The following CCDC60 variants were observed in gnomAD, a reference collection of about 807,000 sequenced individuals.
CCDC60 encodes the protein coiled-coil domain-containing protein 60.
CCDC60 carries 54 observed loss-of-function variants against 63.5 expected under a neutral mutation model. The ratio of observed to expected loss-of-function variants is 0.85; its 90% confidence interval spans 0.68 to 1.07. The LOEUF (loss-of-function observed/expected upper bound fraction) is 1.07. CCDC60 is among the 50% of genes least tolerant of loss of function. CCDC60 has a pLI of 0.00. For synonymous variants in CCDC60, 206 were observed against 238.8 expected (o/e 0.86, Z 1.27); for missense variants, 651 against 684.3 (o/e 0.95, Z 0.54).
chr12:119,361,125 GGAAAGA>G (rs1446954442), intron 1 of CCDC60, among the ~76,000 whole-genome samples: 1 of 149,170 alleles, frequency 6.7e-6, no homozygotes, highest in African/African-American at 2.5e-5. Context: ...GGGAGACCGT[GGAAAGA>G]GAGGGAGAGG....
chr12:119,505,059 T>C lies in CCDC60; in HGVS notation c.649-10T>C. 6.3e-7 allele frequency: 1 copy of C among 1,577,240 alleles called. No homozygotes were observed. Among genetic ancestry groups the C allele is most frequent in the Non-Finnish European group, 8.6e-7 (1 of 1,156,220 alleles). On this transcript the variant is annotated splice_polypyrimidine_tract_variant and intron_variant, in intron 6 of 13. Coordinates refer to ENST00000327554, the MANE Select transcript of CCDC60 (RefSeq NM_178499.5). ...CTTCCTGAAACCTCTCTTTCTTCTC[T>C]TTCCTTTAGACCAAGAAATTCAAAA...
intron 1 of CCDC60, among the ~76,000 whole-genome samples, chr12:119,344,855 T>TCACACACACACACACACACACA (rs1199779284): frequency 1.7e-5 from 2 of 114,798 alleles, no homozygotes; most frequent in Non-Finnish European, 1.7e-5. Context: ...TCTCTCTCTC[T>TCACACACACACACACACACACA]CACACACACA....
chr12:119,407,343 C>CA (rs869181216), intron 1 of CCDC60, among the ~76,000 whole-genome samples: 183 of 148,708 alleles, frequency 1.2e-3, no homozygotes, highest in African/African-American at 3.9e-3. Context: ...CTCACCTCTA[C>CA]AAAAAAAAAG....
intron 1 of CCDC60, among the ~76,000 whole-genome samples, chr12:119,351,744 A>G (rs1955658655): frequency 1.3e-5 from 2 of 152,226 alleles, no homozygotes; most frequent in African/African-American, 4.8e-5. Context: ...ATCTGAGACC[A>G]CCTCAGCCTG....
intron 1 of CCDC60, among the ~76,000 whole-genome samples, chr12:119,405,141 C>G (rs967762373): frequency 2.0e-5 from 3 of 152,200 alleles, no homozygotes; most frequent in African/African-American, 7.2e-5. Context: ...GCAGCCTTCT[C>G]CTGTCTCCGT....
At chr12:119,516,523 G>A (rs955898624) in intron 7 of CCDC60, 100 bp from the exon 8 acceptor site, 9 of 730,276 alleles carry the variant, frequency 1.2e-5, no homozygotes, top group South Asian at 1.2e-4. Context: ...CAACCCTCAG[G>A]AGCAGAGGTG....
intron 2 of CCDC60, among the ~76,000 whole-genome samples, chr12:119,465,185 C>T (rs765213432): frequency 2.5e-4 from 38 of 151,868 alleles, no homozygotes; most frequent in South Asian, 2.1e-3. Context: ...TGGTGGCGGG[C>T]GCCTGTAGTC....
intron 3 of CCDC60, among the ~76,000 whole-genome samples, chr12:119,478,160 A>G (rs1293995064): frequency 6.6e-6 from 1 of 152,040 alleles, no homozygotes; most frequent in African/African-American, 2.4e-5. Flanking sequence ...CTTAAAATAC[A>G]AAAAAGTAGC....
chr12:119,527,629 A>AGC, intron 11 of CCDC60, among the ~76,000 whole-genome samples: 1 of 132,336 alleles, frequency 7.6e-6, no homozygotes, highest in Non-Finnish European at 1.6e-5. Context: ...GTTGAGCTTT[A>AGC]TCTCAGAGAC....
intron 1 of CCDC60, among the ~76,000 whole-genome samples, chr12:119,371,222 A>T (rs1010261761): frequency 3.9e-5 from 6 of 152,106 alleles, no homozygotes; most frequent in African/African-American, 1.4e-4. Context: ...AGATCATGAC[A>T]TTGTGTCTCC....
chr12:119,379,810 A>G, intron 1 of CCDC60, among the ~76,000 whole-genome samples: 1 of 152,334 alleles, frequency 6.6e-6, no homozygotes, highest in East Asian at 1.9e-4. Flanking sequence ...GCCATGACTT[A>G]AAAGTTAAGT....
chr12:119,441,975 A>G (rs1220557739), intron 2 of CCDC60, among the ~76,000 whole-genome samples: 1 of 152,206 alleles, frequency 6.6e-6, no homozygotes, highest in African/African-American at 2.4e-5. Flanking sequence ...CAGTTTTCCA[A>G]GCCCATTTTT....
intron 1 of CCDC60, among the ~76,000 whole-genome samples, chr12:119,341,579 C>T (rs111711400): frequency 3.1e-4 from 47 of 152,262 alleles, no homozygotes; most frequent in African/African-American, 8.7e-4. Context: ...ATACTGAGCA[C>T]GATACCCAGT....
chr12:119,488,674 G>A, intron 4 of CCDC60, 85 bp from the exon 5 acceptor site: 1 of 1,138,702 alleles, frequency 8.8e-7, no homozygotes, highest in Non-Finnish European at 1.3e-6. Flanking sequence ...CTGGGAGCAA[G>A]TACCACTACT....
chr12:119,345,731 G>A (rs1955585038), intron 1 of CCDC60, among the ~76,000 whole-genome samples: 1 of 152,102 alleles, frequency 6.6e-6, no homozygotes, highest in South Asian at 2.1e-4. Context: ...AGCAGGCATA[G>A]CCCTTACCTG....
intron 2 of CCDC60, among the ~76,000 whole-genome samples, chr12:119,437,993 G>T (rs891478397): frequency 1.8e-4 from 27 of 152,146 alleles, no homozygotes; most frequent in African/African-American, 6.5e-4. Context: ...CATGTTCTTA[G>T]CCCAGAACTG....
chr12:119,530,749 A>G, intron 12 of CCDC60, 125 bp from the exon 13 acceptor site: 1 of 709,280 alleles, frequency 1.4e-6, no homozygotes, highest in Non-Finnish European at 2.3e-6. Context: ...AAAGGTCCCT[A>G]GATAAAGAAT....
At chr12:119,525,710 G>A (rs1952661769) in intron 11 of CCDC60, among the ~76,000 whole-genome samples, 1 of 152,036 alleles carries the variant, frequency 6.6e-6, no homozygotes, top group Admixed American at 6.6e-5. Context: ...AATACCTAGG[G>A]AAGTGAAAGA....
At chr12:119,416,242 G>A (rs1188779368) in intron 1 of CCDC60, among the ~76,000 whole-genome samples, 1 of 152,054 alleles carries the variant, frequency 6.6e-6, no homozygotes, top group Non-Finnish European at 1.5e-5. Flanking sequence ...AGCCGGGCGA[G>A]GTGTTGCATG....
Sources: gnomAD v4.1 joint callset for allele counts (sites outside exome capture counted in the v4.1 genomes callset) on GRCh38, gnomAD v4.1.1 for gene constraint, MANE v1.5 for transcripts, NCBI Gene and HGNC (gene_info 2026-07-23, HGNC 2026-07-21) for gene names.